The following RP1 variants were observed in gnomAD, a reference collection of about 807,000 sequenced individuals.
RP1 encodes the protein oxygen-regulated protein 1.
Under a neutral mutation model 14.8 loss-of-function variants are expected in RP1, and 16 were observed. That is an observed-to-expected ratio of 1.08 (90% CI 0.73 to 1.65). RP1 has a LOEUF of 1.65. RP1 is among the 40% of genes most tolerant of loss of function. The probability of loss-of-function intolerance (pLI) is 0.00; values close to 1 mark genes in which losing one functional copy is unlikely to be tolerated. For missense variants in RP1, 2,631 were observed against 2,535.0 expected, an observed-to-expected ratio of 1.04 and a Z score of -0.81; for synonymous variants, 876 against 883.6, an observed-to-expected ratio of 0.99 and a Z score of 0.15.
At chr8:54,765,833 T>C (rs1208894821) in intron 22 of RP1, among the ~76,000 whole-genome samples, 2 of 152,208 alleles carry the variant, frequency 1.3e-5, no homozygotes, top group Non-Finnish European at 2.9e-5. Flanking sequence ...TAGACCTTTA[T>C]GCAATTCTTG....
chr8:54,602,966 A>G (rs1323914801), intron 1 of RP1, among the ~76,000 whole-genome samples: 2 of 151,986 alleles, frequency 1.3e-5, no homozygotes, highest in Non-Finnish European at 2.9e-5. Flanking sequence ...GATGGCAAAA[A>G]TTTTCTCCCA....
At chr8:54,719,042 G>A (rs1392777495) in intron 15 of RP1, among the ~76,000 whole-genome samples, 1 of 152,116 alleles carries the variant, frequency 6.6e-6, no homozygotes, top group Non-Finnish European at 1.5e-5. Context: ...ATGGTCTATG[G>A]TAAGGCCCAA....
rs1806002354 is a variant in RP1, at chr8:54,625,287, T to C, written c.1405T>C (p.Leu469=). ...QKKSVIGSVT[L]VSETEVQEKM... ...GAAATCTGTGATTGGCAGTGTGACCTTAGTATCTGAAACTGAGGTTCAAGA... is the reference window on the plus strand; with the variant it reads ...GAAATCTGTGATTGGCAGTGTGACCCTAGTATCTGAAACTGAGGTTCAAGA... The change falls in exon 4 of 4, where the codon TTA becomes CTA. Residue 469 remains leucine (L), a synonymous_variant. Coordinates refer to ENST00000220676, the MANE Select transcript of RP1 (RefSeq NM_006269.2). 1.2e-6 allele frequency: 2 copies of C among 1,614,054 alleles called. No individual in the cohort carries two copies. The highest frequency in any genetic ancestry group is 3.3e-5 in the Admixed American group (2 of 60,010).
exon 23 of RP1, chr8:54,769,936 T>G (rs1809861674): frequency 1.7e-6 from 1 of 599,860 alleles, no homozygotes; most frequent in Non-Finnish European, 2.8e-6. Context: ...ATTTATAGTA[T>G]TCCTCACAGT....
chr8:54,674,108 T>C (rs1807241176), intron 8 of RP1, among the ~76,000 whole-genome samples: 1 of 152,166 alleles, frequency 6.6e-6, no homozygotes, highest in Non-Finnish European at 1.5e-5. Context: ...TGTATTTTTC[T>C]TCAAAATGAC....
chr8:54,670,632 T>G (rs1032533138), intron 7 of RP1, among the ~76,000 whole-genome samples: 1 of 133,164 alleles, frequency 7.5e-6, no homozygotes, highest in East Asian at 2.1e-4. Flanking sequence ...TATACTCTGA[T>G]GTTAGGTGCA....
chr8:54,829,006 C>T (rs1811457830), intron 24 of RP1, among the ~76,000 whole-genome samples: 1 of 151,268 alleles, frequency 6.6e-6, no homozygotes, highest in Admixed American at 6.6e-5. Flanking sequence ...GATTCTCCCG[C>T]CTCAGCCTGT....
chr8:54,647,406 C>T (rs372308803), intron 3 of RP1, among the ~76,000 whole-genome samples: 66 of 152,074 alleles, frequency 4.3e-4, no homozygotes, highest in African/African-American at 1.6e-3. Context: ...ACCAGCGAGA[C>T]TCCCTCTCAA....
chr8:54,814,773 GCCCATGGGCT>G (rs1563384541), intron 24 of RP1, among the ~76,000 whole-genome samples: 1 of 152,120 alleles, frequency 6.6e-6, no homozygotes, highest in Non-Finnish European at 1.5e-5. Flanking sequence ...GAATGACAGT[GCCCATGGGCT>G]CATTAAAAAG....
At chr8:54,630,870 C>A (rs1156252053), downstream of RP1, 4 of 974,266 alleles carry the variant, frequency 4.1e-6, no homozygotes, top group Non-Finnish European at 3.7e-6. Context: ...CTCAGAATAT[C>A]CAGTGAAATT....
At chr8:54,649,279 A>C in intron 4 of RP1, 1 of 717,104 alleles carries the variant, frequency 1.4e-6, no homozygotes. Context: ...TAATTTATGG[A>C]AGTTTTTGCT....
intron 25 of RP1, among the ~76,000 whole-genome samples, chr8:54,842,367 G>A (rs556265924): frequency 3.5e-4 from 53 of 152,218 alleles, no homozygotes; most frequent in African/African-American, 1.3e-3. Flanking sequence ...ATCCACCATC[G>A]AAACCAGCAC....
At chr8:54,649,183 A>G (rs1806608090) in intron 4 of RP1, 1 of 1,419,948 alleles carries the variant, frequency 7.0e-7, no homozygotes, top group African/African-American at 1.4e-5. Flanking sequence ...CTGTTAATAT[A>G]AGTGATACAC....
intron 25 of RP1, among the ~76,000 whole-genome samples, chr8:54,838,611 A>C (rs573267463): frequency 6.6e-6 from 1 of 152,240 alleles, no homozygotes; most frequent in South Asian, 2.1e-4. Context: ...GCATGTGTGT[A>C]TATGTGTATG....
intron 8 of RP1, among the ~76,000 whole-genome samples, chr8:54,678,114 C>T (rs554233726): frequency 5.9e-5 from 9 of 152,112 alleles, no homozygotes; most frequent in African/African-American, 1.9e-4. Flanking sequence ...GGTAACTCAT[C>T]GAGTATATAT....
chr8:54,832,146 T>G (rs1200308615), intron 24 of RP1, among the ~76,000 whole-genome samples: 1 of 151,842 alleles, frequency 6.6e-6, no homozygotes, highest in Non-Finnish European at 1.5e-5. Flanking sequence ...ATATTTTGCT[T>G]GAGATTCACT....
At chr8:54,774,964 T>C (rs1303891899), downstream of RP1, among the ~76,000 whole-genome samples, 2 of 152,162 alleles carry the variant, frequency 1.3e-5, no homozygotes, top group Non-Finnish European at 2.9e-5. Flanking sequence ...CATTTCAGCT[T>C]GGATAACTTT....
chr8:54,601,243 T>A (rs1163765896), intron 1 of RP1, among the ~76,000 whole-genome samples: 1 of 152,186 alleles, frequency 6.6e-6, no homozygotes, highest in Non-Finnish European at 1.5e-5. Flanking sequence ...TAAGAATGAA[T>A]GCTAAATAAA....
chr8:54,832,858 G>A (rs1811565437), intron 24 of RP1, among the ~76,000 whole-genome samples: 1 of 151,992 alleles, frequency 6.6e-6, no homozygotes, highest in South Asian at 2.1e-4. Context: ...GTAAAGAGAT[G>A]TAGTTGTCAT....
Sources: allele counts gnomAD v4.1 joint callset (sites outside exome capture counted in the v4.1 genomes callset), GRCh38; gene constraint gnomAD v4.1.1; transcripts MANE v1.5; gene names NCBI Gene and HGNC (gene_info 2026-07-23, HGNC 2026-07-21).